Variants in CLIC2 observed in about 807,000 individuals in gnomAD.
CLIC2 encodes the protein CLIC family member 2, also known as chloride intracellular channel protein 2.
In CLIC2, 9 loss-of-function variants were observed where a neutral mutation model predicts 14.8. The ratio of observed to expected loss-of-function variants is 0.61; its 90% CI spans 0.37 to 1.06. CLIC2 has a LOEUF of 1.06. Ranked by LOEUF, CLIC2 falls within the 50% of genes least tolerant of loss-of-function variation. The pLI is 0.01. For missense variants in CLIC2, 148 were observed against 181.4 expected (o/e 0.82, Z 1.06); for synonymous variants, 61 against 66.3 (o/e 0.92, Z 0.39).
At chrX:155,299,339 CATA>C (rs72015229) in intron 1 of CLIC2, among the ~76,000 whole-genome samples, 194 bp from the exon 2 acceptor site, 4 of 110,056 alleles carry the variant, frequency 3.6e-5, no homozygotes, top group Non-Finnish European at 5.7e-5. Context: ...GTGATGGGTA[CATA>C]ATAATAATAA....
chrX:155,322,845 A>C (rs1462236767), intron 1 of CLIC2, among the ~76,000 whole-genome samples: 1 of 112,118 alleles, frequency 8.9e-6, no homozygotes, highest in African/African-American at 3.2e-5. Flanking sequence ...GGAATCAAAT[A>C]GACACAATAA....
chrX:155,285,770 A>C (rs1466777824), intron 3 of CLIC2, among the ~76,000 whole-genome samples: 1 of 111,384 alleles, frequency 9.0e-6, no homozygotes, highest in Non-Finnish European at 1.9e-5. Flanking sequence ...CGGAGCTATC[A>C]TCCTAGGTTC....
chrX:155,319,456 T>A (rs868970062), intron 1 of CLIC2, among the ~76,000 whole-genome samples: 2 of 110,282 alleles, frequency 1.8e-5, no homozygotes, highest in Non-Finnish European at 3.8e-5. Context: ...GCACAAGGGG[T>A]CGGGGAACTC....
intron 1 of CLIC2, among the ~76,000 whole-genome samples, chrX:155,303,045 A>T (rs1391138632): frequency 1.1e-5 from 1 of 87,214 alleles, no homozygotes; most frequent in Non-Finnish European, 2.3e-5. Context: ...GCTGAAAAAA[A>T]TGTATATTCT....
chrX:155,305,237 G>A (rs934845997), intron 1 of CLIC2, among the ~76,000 whole-genome samples: 24 of 112,293 alleles, frequency 2.1e-4, no homozygotes, highest in Non-Finnish European at 4.1e-4. Flanking sequence ...GCGAGACTCC[G>A]TGGGCGTGGG....
chrX:155,305,041 A>G lies in CLIC2; in HGVS notation c.58-5896T>C, dbSNP rs868983632. Among the ~76,000 whole-genome samples the G allele has an allele frequency of 9.2e-3, 1,030 of 111,791 alleles. 6 individuals are homozygous for G. Among genetic ancestry groups the G allele is most frequent in the Middle Eastern group, 0.028 (6 of 216 alleles). Reference sequence around the variant, plus strand: ...GTTACTGCTGTCTTTTTGTTTGTCTATGCCCTGCCCCCAGAGGTGGAGCCT... The same window carrying G: ...GTTACTGCTGTCTTTTTGTTTGTCTGTGCCCTGCCCCCAGAGGTGGAGCCT... On this transcript the variant is annotated intron_variant, in intron 1 of 5. Coordinates refer to ENST00000369449, the MANE Select transcript of CLIC2 (RefSeq NM_001289.6).
chrX:155,323,082 G>C (rs1262313934), intron 1 of CLIC2, among the ~76,000 whole-genome samples: 1 of 112,059 alleles, frequency 8.9e-6, no homozygotes, highest in Non-Finnish European at 1.9e-5. Context: ...CGGATTCACA[G>C]CCAAATTCTA....
intron 1 of CLIC2, among the ~76,000 whole-genome samples, chrX:155,313,971 G>A (rs1370369526): frequency 2.7e-5 from 3 of 111,029 alleles, no homozygotes; most frequent in Non-Finnish European, 3.8e-5. Flanking sequence ...TATTATCCCC[G>A]TGGGAACATA....
chrX:155,317,534 A>G (rs1293380084), intron 1 of CLIC2, among the ~76,000 whole-genome samples: 5 of 111,889 alleles, frequency 4.5e-5, no homozygotes, highest in African/African-American at 1.6e-4. Context: ...GAACACACCA[A>G]TAACAAGCAG....
rs2074902622 is a variant in CLIC2 at position 155,277,454 on chromosome X, ATTT to A, written c.*446_*448del. On this transcript the variant is annotated 3_prime_UTR_variant, in exon 6 of 6. Coordinates refer to ENST00000369449, the MANE Select transcript of CLIC2 (RefSeq NM_001289.6). ...CCTCTCTGATATGCTCACTCTCTGTATTTATTATTTATATCAGAAATAAACTCA... is the reference window on the plus strand; with the variant it reads ...CCTCTCTGATATGCTCACTCTCTGTAATTATTTATATCAGAAATAAACTCA... The A allele has an allele frequency of 8.5e-6, 1 of 117,934 alleles. No homozygotes were observed. Among genetic ancestry groups the A allele is most frequent in the African/African-American group, 3.2e-5 (1 of 30,812 alleles). 9.7% of individuals were successfully genotyped at this position (117,934 alleles called of 1,213,427 possible). A position where few individuals can be genotyped will look rare whatever the true frequency, so the allele number is the denominator to read the frequency against.
At chrX:155,295,100 T>C (rs782122884) in intron 3 of CLIC2, among the ~76,000 whole-genome samples, 1 of 111,588 alleles carries the variant, frequency 9.0e-6, no homozygotes, top group East Asian at 2.8e-4. Flanking sequence ...CTGATGAACA[T>C]AGATACAAAA....
intron 2 of CLIC2, 31 bp downstream of exon 2, chrX:155,299,005 C>G (rs1557318691): frequency 8.5e-7 from 1 of 1,180,950 alleles, no homozygotes; most frequent in East Asian, 3.0e-5. Context: ...ATCTCAATTC[C>G]TAGAATTTAA....
intron 3 of CLIC2, among the ~76,000 whole-genome samples, chrX:155,289,326 T>G (rs1253418688): frequency 2.7e-5 from 3 of 111,613 alleles, no homozygotes; most frequent in Non-Finnish European, 5.6e-5. Context: ...TATTCTAGCT[T>G]CCTCTATTTC....
chrX:155,309,007 C>T (rs138510747), intron 1 of CLIC2, among the ~76,000 whole-genome samples: 3 of 112,061 alleles, frequency 2.7e-5, no homozygotes, highest in Non-Finnish European at 5.6e-5. Flanking sequence ...TATTATAATA[C>T]TGTAACTGTG....
chrX:155,286,015 A>G (rs192270313), intron 3 of CLIC2, among the ~76,000 whole-genome samples: 2 of 110,370 alleles, frequency 1.8e-5, no homozygotes, highest in East Asian at 5.7e-4. Flanking sequence ...GATACATGTG[A>G]AGGTTTGTTA....
chrX:155,279,664 C>T (rs782486296), intron 4 of CLIC2, among the ~76,000 whole-genome samples: 6 of 111,642 alleles, frequency 5.4e-5, no homozygotes, highest in African/African-American at 1.3e-4. Flanking sequence ...TAAGAATGTT[C>T]GTGGGAAATG....
intron 1 of CLIC2, among the ~76,000 whole-genome samples, chrX:155,307,197 T>C (rs2075058986): frequency 8.9e-6 from 1 of 111,859 alleles, no homozygotes; most frequent in Admixed American, 9.5e-5. Context: ...AAGTGCATTT[T>C]ATGAGTGTAT....
chrX:155,286,911 G>A (rs1489104556), intron 3 of CLIC2, among the ~76,000 whole-genome samples: 1 of 112,415 alleles, frequency 8.9e-6, no homozygotes. Context: ...CTTCCATTCT[G>A]TAGGTTGTCT....
At chrX:155,292,723 T>C (rs1210995734) in intron 3 of CLIC2, 2 of 393,754 alleles carry the variant, frequency 5.1e-6, no homozygotes, top group African/African-American at 5.4e-5. Flanking sequence ...TGAGCCGAGA[T>C]CGCGCCACTG....
Sources: gnomAD v4.1 joint callset for allele counts (sites outside exome capture counted in the v4.1 genomes callset) on GRCh38, gnomAD v4.1.1 for gene constraint, MANE v1.5 for transcripts, NCBI Gene and HGNC (gene_info 2026-07-23, HGNC 2026-07-21) for gene names.